The following GALNT13 variants were observed in gnomAD, a reference collection of about 807,000 sequenced individuals.
The protein encoded by GALNT13 is UDP-GalNAc:polypeptide N-acetylgalactosaminyltransferase 13.
Under a neutral mutation model 64.2 loss-of-function variants are expected in GALNT13, and 28 were observed. The observed-to-expected ratio is 0.44, with a 90% CI of 0.32 to 0.60. The LOEUF is 0.60. GALNT13 is among the 20% of genes least tolerant of loss of function. The pLI is 0.05. For synonymous variants in GALNT13, 214 were observed against 224.6 expected (o/e 0.95, Z 0.42); for missense variants, 577 against 669.8 (o/e 0.86, Z 1.53).
At chr2:153,076,509 A>T in the GALNT13 span, among the ~76,000 whole-genome samples, 1 of 152,080 alleles carries the variant, frequency 6.6e-6, no homozygotes, top group Admixed American at 6.5e-5. Context: ...TGTCATAGGG[A>T]ATTTTTTCCC....
chr2:153,601,550 G>A, the GALNT13 span, among the ~76,000 whole-genome samples: 1 of 150,036 alleles, frequency 6.7e-6, no homozygotes, highest in Non-Finnish European at 1.5e-5. Context: ...TTCGTTTCAT[G>A]TCAGATGCAA....
At chr2:153,896,914 G>A (rs1008120268) in intron 1 of GALNT13, among the ~76,000 whole-genome samples, 1 of 151,962 alleles carries the variant, frequency 6.6e-6, no homozygotes, top group African/African-American at 2.4e-5. Context: ...ACTTTCAAAT[G>A]TACAGAAAAT....
the GALNT13 span, among the ~76,000 whole-genome samples, chr2:153,740,653 G>T: frequency 2.6e-4 from 40 of 151,940 alleles, no homozygotes; most frequent in Non-Finnish European, 3.7e-4. Flanking sequence ...TCCTTTTTTT[G>T]TGGAGACTTA....
intron 2 of GALNT13, among the ~76,000 whole-genome samples, chr2:153,917,050 T>C (rs886441618): frequency 6.6e-6 from 1 of 152,190 alleles, no homozygotes; most frequent in African/African-American, 2.4e-5. Flanking sequence ...CCTCAGTTTA[T>C]TCAGCTGACA....
At chr2:153,377,063 G>C in the GALNT13 span, among the ~76,000 whole-genome samples, 1 of 152,078 alleles carries the variant, frequency 6.6e-6, no homozygotes, top group Admixed American at 6.5e-5. Context: ...GCTAAATAAA[G>C]CCATCAGGAT....
At chr2:153,295,284 A>T in the GALNT13 span, among the ~76,000 whole-genome samples, 1 of 152,180 alleles carries the variant, frequency 6.6e-6, no homozygotes, top group South Asian at 2.1e-4. Context: ...TGATCTCAGT[A>T]CCTCAGAGCA....
chr2:154,380,653 A>G (rs1698222547), intron 9 of GALNT13, among the ~76,000 whole-genome samples: 1 of 152,030 alleles, frequency 6.6e-6, no homozygotes, highest in Non-Finnish European at 1.5e-5. Flanking sequence ...CATATTGTCT[A>G]TCAATATGTA....
At chr2:154,383,095 C>A (rs563327885) in intron 9 of GALNT13, among the ~76,000 whole-genome samples, 36 of 151,938 alleles carry the variant, frequency 2.4e-4, no homozygotes, top group Non-Finnish European at 4.1e-4. Context: ...GACATCTGAG[C>A]CAGAGTAAGT....
At chr2:154,243,058 A>T (rs1323355413) in intron 6 of GALNT13, among the ~76,000 whole-genome samples, 153 bp downstream of exon 6, 54 of 152,236 alleles carry the variant, frequency 3.5e-4, no homozygotes, top group Admixed American at 3.5e-3. Context: ...TGCTTGATAA[A>T]TAAGACTGCT....
At position 154,422,645 on chromosome 2, in the gene GALNT13, G is replaced by GTGTTTATGACT. The variant is rs576711169; in HGVS notation, c.1395+13564_1395+13574dup. 5.9e-4 allele frequency among the ~76,000 whole-genome samples: 90 copies of GTGTTTATGACT among 152,310 alleles called. No homozygotes were observed. In the East Asian group the frequency reaches 7.9e-3, roughly 13 times the overall value. ...CATTTTATTTAAGAAAGTAAAATAT[G>GTGTTTATGACT]TGTTTATGACTGTAATATGCAAAAT... On this transcript the variant is annotated intron_variant, in intron 11 of 12. Coordinates refer to ENST00000392825, the MANE Select transcript of GALNT13 (RefSeq NM_052917.4).
intron 9 of GALNT13, among the ~76,000 whole-genome samples, chr2:154,316,435 G>A (rs1308197002): frequency 6.7e-6 from 1 of 148,916 alleles, no homozygotes; most frequent in African/African-American, 2.4e-5. Flanking sequence ...TTAAAATTAA[G>A]GAATATAGAT....
At chr2:154,366,292 C>G (rs989823630) in intron 9 of GALNT13, among the ~76,000 whole-genome samples, 2 of 152,024 alleles carry the variant, frequency 1.3e-5, no homozygotes, top group African/African-American at 4.8e-5. Flanking sequence ...CTATCTTTGT[C>G]TAAAATATAT....
At chr2:153,326,133 A>G in the GALNT13 span, among the ~76,000 whole-genome samples, 19 of 152,146 alleles carry the variant, frequency 1.2e-4, no homozygotes, top group African/African-American at 4.3e-4. Flanking sequence ...TAGGTCTCCA[A>G]GAACTTGCTT....
At chr2:153,982,294 A>C (rs1420955692) in intron 3 of GALNT13, among the ~76,000 whole-genome samples, 1 of 152,104 alleles carries the variant, frequency 6.6e-6, no homozygotes, top group Non-Finnish European at 1.5e-5. Flanking sequence ...TCATCTTAGT[A>C]AGTAAATAAT....
At chr2:153,406,608 A>G in the GALNT13 span, among the ~76,000 whole-genome samples, 15 of 152,236 alleles carry the variant, frequency 9.9e-5, no homozygotes, top group Admixed American at 5.2e-4. Flanking sequence ...GGGTTTTGCC[A>G]TGTTGGCCAG....
chr2:154,264,806 A>C (rs1167996143), intron 8 of GALNT13, among the ~76,000 whole-genome samples: 1 of 137,032 alleles, frequency 7.3e-6, no homozygotes, highest in African/African-American at 2.6e-5. Context: ...AAAAAAAAAA[A>C]AGAGGTAAAA....
the GALNT13 span, among the ~76,000 whole-genome samples, chr2:153,411,555 C>T: frequency 6.6e-6 from 1 of 152,110 alleles, no homozygotes; most frequent in Admixed American, 6.6e-5. Flanking sequence ...TTTGAAAGAA[C>T]TGAAACACTT....
At chr2:153,133,441 G>A in the GALNT13 span, among the ~76,000 whole-genome samples, 1 of 152,110 alleles carries the variant, frequency 6.6e-6, no homozygotes, top group Non-Finnish European at 1.5e-5. Context: ...CAATCAGTGA[G>A]AAGGGGACCT....
chr2:153,238,689 A>G, the GALNT13 span, among the ~76,000 whole-genome samples: 1 of 151,964 alleles, frequency 6.6e-6, no homozygotes. Context: ...CCATTAGTCT[A>G]TGTGTCCATT....
Sources: gnomAD v4.1 joint callset for allele counts (sites outside exome capture counted in the v4.1 genomes callset) on GRCh38, gnomAD v4.1.1 for gene constraint, MANE v1.5 for transcripts, NCBI Gene and HGNC (gene_info 2026-07-23, HGNC 2026-07-21) for gene names.